RPTOR: variants seen among roughly 807,000 people sequenced by gnomAD.
The protein encoded by RPTOR is regulatory associated protein of MTOR complex 1, also known as regulatory-associated protein of mTOR.
RPTOR carries 21 observed loss-of-function variants against 169.9 expected under a neutral mutation model. The observed-to-expected ratio is 0.12, with a 90% CI of 0.09 to 0.18. The LOEUF (loss-of-function observed/expected upper bound fraction) is 0.18. Among genes scored for constraint, RPTOR ranks in the 10% least tolerant of loss-of-function variants. RPTOR has a pLI of 1.00. For missense variants in RPTOR, 1,133 were observed against 1,855.9 expected, an observed-to-expected ratio of 0.61 and a Z score of 7.16; for synonymous variants, 732 against 753.2, an observed-to-expected ratio of 0.97 and a Z score of 0.46.
chr17:80,747,340 C>T (rs1185317102), intron 5 of RPTOR, among the ~76,000 whole-genome samples: 1 of 152,230 alleles, frequency 6.6e-6, no homozygotes, highest in Non-Finnish European at 1.5e-5. Flanking sequence ...CATGCTTCCT[C>T]CTGGGCCTGG....
chr17:80,935,020 CA>C (rs35820587), intron 24 of RPTOR, among the ~76,000 whole-genome samples: 73,591 of 131,730 alleles, frequency 0.56, 18,795 homozygotes, highest in Middle Eastern at 0.64. Context: ...GACCCTGTCT[CA>C]AAAAAAAAAA....
In RPTOR at chr17:80,837,784, T is replaced by C. The variant is rs1390180414; in HGVS notation, c.1137-138T>C. 3.9e-6 allele frequency: 3 copies of C among 771,374 alleles called. No individual in the cohort carries two copies. The Admixed American group carries it at 6.0e-5, about 16-fold the overall frequency. The allele number at this position is 771,374 out of a possible 1,614,324, so 47.8% of individuals were successfully genotyped here. A position where few individuals can be genotyped will look rare whatever the true frequency, so the allele number is the denominator to read the frequency against. ...CTGAACAGCAGTGAAACCGTAAACA[T>C]GCCCCCCACCAGCTGCCGTGGCCTC... On this transcript the variant is annotated intron_variant, in intron 9 of 33. Coordinates refer to ENST00000306801, the MANE Select transcript of RPTOR (RefSeq NM_020761.3).
At chr17:80,833,688 G>A (rs1349424541) in intron 9 of RPTOR, among the ~76,000 whole-genome samples, 1 of 152,230 alleles carries the variant, frequency 6.6e-6, no homozygotes, top group Non-Finnish European at 1.5e-5. Context: ...TTGTTCTGCT[G>A]TTTAAAAGGT....
intron 20 of RPTOR, among the ~76,000 whole-genome samples, chr17:80,896,672 G>C (rs993199646): frequency 9.9e-5 from 15 of 152,026 alleles, no homozygotes; most frequent in African/African-American, 3.1e-4. Context: ...GCCGCTCTTA[G>C]CCCTTTGCTC....
chr17:80,949,970 C>T (rs920351356), intron 28 of RPTOR, among the ~76,000 whole-genome samples: 4 of 152,374 alleles, frequency 2.6e-5, no homozygotes, highest in South Asian at 2.1e-4. Context: ...TGGGGCCTCA[C>T]GCGCTCGCTG....
intron 7 of RPTOR, among the ~76,000 whole-genome samples, chr17:80,815,886 G>A (rs577891950): frequency 1.3e-5 from 2 of 149,914 alleles, no homozygotes; most frequent in East Asian, 3.9e-4. Context: ...GCATCCTCCC[G>A]ACTGGCGAGG....
At chr17:80,890,563 C>G (rs541415340) in intron 17 of RPTOR, among the ~76,000 whole-genome samples, 6 of 152,272 alleles carry the variant, frequency 3.9e-5, no homozygotes, top group Admixed American at 2.0e-4. Context: ...AGGGTGATGC[C>G]AGGGCTCCAT....
chr17:80,607,158 C>T (rs901319799), intron 1 of RPTOR, among the ~76,000 whole-genome samples: 3 of 152,094 alleles, frequency 2.0e-5, no homozygotes, highest in African/African-American at 4.8e-5. Flanking sequence ...TGGTCTTGAA[C>T]GCCCCCCTTG....
rs2067953758 is a variant in RPTOR, at chr17:80,864,171, A to G, written c.1509+6271A>G. Among the ~76,000 whole-genome samples the G allele has an allele frequency of 6.6e-5, 10 of 152,212 alleles. No individual in the cohort carries two copies. In the South Asian group the frequency reaches 2.1e-3, roughly 32 times the overall value. ...CTTAGCAAACCCCAAGCACAAGAAA[A>G]CTACACGAAGGCATATCGCAATCAA... On this transcript the variant is annotated intron_variant, in intron 13 of 33. Coordinates refer to ENST00000306801, the MANE Select transcript of RPTOR (RefSeq NM_020761.3).
Position 80,870,200 on chromosome 17 carries a change from C to T in RPTOR, c.1510-10215C>T, listed in dbSNP as rs115691146. On this transcript the variant is annotated intron_variant, in intron 13 of 33. Transcript: ENST00000306801. The stretch of plus-strand genomic sequence containing the variant: ...TGGTACCACCAGGGAACTCCAAGAG[C>T]GTAATGTCAGTGGATCTGGAAAGAT... 9.5e-3 allele frequency among the ~76,000 whole-genome samples: 1,446 copies of T among 152,232 alleles called. 24 individuals carry two copies. The highest frequency in any genetic ancestry group is 0.033 in the African/African-American group (1,378 of 41,530).
chr17:80,856,438 A>G (rs1009713578), intron 12 of RPTOR, among the ~76,000 whole-genome samples: 1 of 152,212 alleles, frequency 6.6e-6, no homozygotes, highest in African/African-American at 2.4e-5. Flanking sequence ...CTGGGTGGTG[A>G]GTACCTGGGT....
intron 3 of RPTOR, among the ~76,000 whole-genome samples, chr17:80,705,978 G>A (rs59027596): frequency 0.018 from 2,793 of 152,212 alleles, 92 homozygotes; most frequent in African/African-American, 0.063. Flanking sequence ...TCCTTCAAAC[G>A]CAGCCTCCCC....
chr17:80,673,083 C>G (rs2065834601), intron 3 of RPTOR, among the ~76,000 whole-genome samples: 1 of 152,024 alleles, frequency 6.6e-6, no homozygotes, highest in Non-Finnish European at 1.5e-5. Context: ...TGTGCCACCA[C>G]GCTTGGCCAA....
chr17:80,763,793 G>A (rs1444488907), intron 6 of RPTOR, among the ~76,000 whole-genome samples: 1 of 152,190 alleles, frequency 6.6e-6, no homozygotes, highest in Non-Finnish European at 1.5e-5. Flanking sequence ...ACTCAGTAAC[G>A]AAAGGACAGC....
At chr17:80,742,738 G>A (rs1463827337) in intron 5 of RPTOR, among the ~76,000 whole-genome samples, 1 of 151,656 alleles carries the variant, frequency 6.6e-6, no homozygotes, top group Non-Finnish European at 1.5e-5. Context: ...ACATGCATGT[G>A]CGCACACATA....
intron 7 of RPTOR, among the ~76,000 whole-genome samples, chr17:80,810,170 A>G (rs1309149270): frequency 2.0e-5 from 3 of 152,118 alleles, no homozygotes; most frequent in Non-Finnish European, 4.4e-5. Context: ...TATGATTTGT[A>G]CTTTCTGTGT....
intron 26 of RPTOR, among the ~76,000 whole-genome samples, chr17:80,946,190 A>G (rs1383810361): frequency 7.2e-5 from 11 of 152,136 alleles, no homozygotes; most frequent in African/African-American, 2.4e-4. Context: ...CACAGCAAAT[A>G]TCGCCCTTAG....
chr17:80,871,531 C>A (rs1005039226), intron 13 of RPTOR, among the ~76,000 whole-genome samples: 1 of 152,146 alleles, frequency 6.6e-6, no homozygotes, highest in Admixed American at 6.5e-5. Flanking sequence ...CGGCTGAGGT[C>A]AGGCGTCCCC....
chr17:80,756,411 T>A (rs752634221), intron 6 of RPTOR, among the ~76,000 whole-genome samples: 10 of 152,228 alleles, frequency 6.6e-5, no homozygotes, highest in Non-Finnish European at 1.2e-4. Context: ...GAATAAGTTA[T>A]AGTATTCCAT....
Sources: allele counts gnomAD v4.1 joint callset (sites outside exome capture counted in the v4.1 genomes callset), GRCh38; gene constraint gnomAD v4.1.1; transcripts MANE v1.5; gene names NCBI Gene and HGNC (gene_info 2026-07-23, HGNC 2026-07-21).